MAML1: variants seen among roughly 807,000 people sequenced by gnomAD.
MAML1 encodes mastermind-like protein 1.
A neutral mutation model predicts 77.1 loss-of-function variants in MAML1; 14 were observed. The observed-to-expected ratio is 0.18, with a 90% CI of 0.12 to 0.28. The LOEUF is 0.28. Among genes scored for constraint, MAML1 ranks in the 10% least tolerant of loss-of-function variants. The probability of loss-of-function intolerance (pLI) is 1.00; values close to 1 mark genes in which losing one functional copy is unlikely to be tolerated. For missense variants in MAML1, 1,217 were observed against 1,327.8 expected, an observed-to-expected ratio of 0.92 and a Z score of 1.30; for synonymous variants, 516 against 551.9, an observed-to-expected ratio of 0.93 and a Z score of 0.91.
At chr5:179,734,515 A>G (rs1301720279) in intron 1 of MAML1, among the ~76,000 whole-genome samples, 1 of 151,640 alleles carries the variant, frequency 6.6e-6, no homozygotes, top group Admixed American at 6.6e-5. Flanking sequence ...ACTAGCCTCG[A>G]TTGCTGGGTT....
chr5:179,772,167 G>T lies in MAML1; in HGVS notation c.2068+924G>T, dbSNP rs149670547. On this transcript the variant is annotated intron_variant, in intron 4 of 4. Coordinates refer to ENST00000292599, the MANE Select transcript of MAML1 (RefSeq NM_014757.5). ...AGAGTCTTGGTCTGTCGCCCAGGCT[G>T]CAGTGCAGTGGCACGATCTTGGCTC... Among the ~76,000 whole-genome samples, 4 of 152,318 alleles carry T rather than the reference G, an allele frequency of 2.6e-5. No homozygotes were observed. In the East Asian group the frequency reaches 7.7e-4, roughly 29 times the overall value.
chr5:179,736,309 A>G (rs930080516), intron 1 of MAML1, among the ~76,000 whole-genome samples: 6 of 151,758 alleles, frequency 4.0e-5, no homozygotes, highest in African/African-American at 1.2e-4. Context: ...CTGGAGTGCA[A>G]TGGTGCCATC....
intron 1 of MAML1, among the ~76,000 whole-genome samples, chr5:179,735,281 A>C (rs1203225983): frequency 6.6e-6 from 1 of 152,216 alleles, no homozygotes; most frequent in Non-Finnish European, 1.5e-5. Context: ...GTCCCAGCTT[A>C]TCTCTTTCTT....
intron 1 of MAML1, among the ~76,000 whole-genome samples, chr5:179,746,407 T>C (rs185275142): frequency 2.0e-5 from 3 of 152,200 alleles, no homozygotes; most frequent in Middle Eastern, 3.4e-3. Context: ...AGTTTCGCTC[T>C]TGTTGCCCAG....
chr5:179,740,932 TATTG>T (rs1273161275), intron 1 of MAML1, among the ~76,000 whole-genome samples: 1 of 152,184 alleles, frequency 6.6e-6, no homozygotes, highest in African/African-American at 2.4e-5. Context: ...TGGGTGATGT[TATTG>T]ATTCTTTCAT....
Position 179,765,959 on chromosome 5 carries a change from G to A in MAML1, c.949G>A (p.Val317Met), listed in dbSNP as rs1779809392. Residue 317 changes from valine to methionine, a missense_variant, in exon 2 of 5, where the codon GTG (valine) becomes ATG (methionine). Val to Met is a conservative substitution (Grantham distance 21). Coordinates refer to ENST00000292599, the MANE Select transcript of MAML1 (RefSeq NM_014757.5). ...GCAAGAACAGTTAGGCTCTCCACAAGTGAGGGCCGGGTCTGCAGGGCAGAC... is the reference window on the plus strand; with the variant it reads ...GCAAGAACAGTTAGGCTCTCCACAAATGAGGGCCGGGTCTGCAGGGCAGAC... ...FEQEQLGSPQ[V>M]RAGSAGQTFL... 4 of 1,614,010 alleles carry A rather than the reference G, an allele frequency of 2.5e-6. No homozygotes were observed. The highest frequency in any genetic ancestry group is 1.7e-5 in the Admixed American group (1 of 60,000).
At chr5:179,743,305 G>A (rs1254918355) in intron 1 of MAML1, among the ~76,000 whole-genome samples, 51 of 149,178 alleles carry the variant, frequency 3.4e-4, no homozygotes, top group East Asian at 3.9e-4. Context: ...GCCTGCCTCC[G>A]CCTCCCAAAG....
intron 1 of MAML1, among the ~76,000 whole-genome samples, chr5:179,737,863 C>A (rs562764319): frequency 6.6e-6 from 1 of 152,122 alleles, no homozygotes; most frequent in African/African-American, 2.4e-5. Context: ...GTGGCGCGAT[C>A]GTGGGGCACT....
At chr5:179,748,247 T>C (rs1258500973) in intron 1 of MAML1, among the ~76,000 whole-genome samples, 1 of 152,098 alleles carries the variant, frequency 6.6e-6, no homozygotes, top group Non-Finnish European at 1.5e-5. Flanking sequence ...CACGCCTGGC[T>C]AATTTTGTAT....
intron 1 of MAML1, among the ~76,000 whole-genome samples, chr5:179,745,166 A>G (rs1008555866): frequency 1.3e-5 from 2 of 151,874 alleles, no homozygotes; most frequent in East Asian, 1.9e-4. Context: ...CGGCCTCCCA[A>G]AGTGCTGGGA....
intron 1 of MAML1, among the ~76,000 whole-genome samples, chr5:179,751,224 C>T (rs1329806689): frequency 6.6e-6 from 1 of 152,010 alleles, no homozygotes; most frequent in East Asian, 2.0e-4. Flanking sequence ...CCACCCGCCT[C>T]GGCCTCCTAA....
At chr5:179,755,976 G>C (rs1779606857) in intron 1 of MAML1, among the ~76,000 whole-genome samples, 1 of 151,086 alleles carries the variant, frequency 6.6e-6, no homozygotes, top group Non-Finnish European at 1.5e-5. Flanking sequence ...ATGTTGGCCA[G>C]GCTGGTCTCG....
In MAML1 at chr5:179,769,184, T is replaced by A; in HGVS notation, c.1971+95T>A. On this transcript the variant is annotated intron_variant, in intron 3 of 4. Coordinates refer to ENST00000292599, the MANE Select transcript of MAML1 (RefSeq NM_014757.5). The surrounding 1 kb of genome is among the most constrained non-coding windows in gnomAD (Gnocchi z 4.2). ...ACACCTTCTGCTTGTGCGTGTGGAT[T>A]TGCGCAGACTTGCGTGCCTGTTGTT... 1 of 1,507,664 alleles carries A rather than the reference T, an allele frequency of 6.6e-7. No homozygotes were observed. The highest frequency in any genetic ancestry group is 2.2e-4 in the Middle Eastern group (1 of 4,610). 93.4% of individuals were successfully genotyped at this position (1,507,664 alleles called of 1,614,324 possible). A position where few individuals can be genotyped will look rare whatever the true frequency, so the allele number is the denominator to read the frequency against.
intron 1 of MAML1, among the ~76,000 whole-genome samples, chr5:179,738,926 G>A (rs996381455): frequency 2.0e-5 from 3 of 151,510 alleles, no homozygotes; most frequent in Admixed American, 1.3e-4. Flanking sequence ...GACTACAGGC[G>A]TGAGCCACCA....
At chr5:179,739,903 A>G (rs1779247808) in intron 1 of MAML1, among the ~76,000 whole-genome samples, 1 of 152,206 alleles carries the variant, frequency 6.6e-6, no homozygotes, top group Non-Finnish European at 1.5e-5. Flanking sequence ...ATGGACACCA[A>G]GGGAACTGCT....
rs1228886436 is a variant in MAML1, at chr5:179,776,704, C to T, written c.*1827C>T. 28 of 985,806 alleles carry T rather than the reference C, an allele frequency of 2.8e-5. No homozygotes were observed. The highest frequency in any genetic ancestry group is 4.7e-5 in the South Asian group (1 of 21,296). 61.1% of individuals were successfully genotyped at this position (985,806 alleles called of 1,614,324 possible). The stretch of plus-strand genomic sequence containing the variant: ...TCCTGACCCCATCTGGCTGCTGCCC[C>T]GTCTCCCACCCCTGTCCCCGGGGCT... On this transcript the variant is annotated 3_prime_UTR_variant, in exon 5 of 5. Transcript: ENST00000292599.
rs1779088248 is a variant in MAML1 at position 179,732,863 on chromosome 5, A to G, written c.-250A>G. 4.2e-6 allele frequency: 1 copy of G among 240,140 alleles called. No homozygotes were observed. 14.9% of individuals were successfully genotyped at this position (240,140 alleles called of 1,614,324 possible). The stretch of plus-strand genomic sequence containing the variant: ...ATTTTAAGATGGCGGCCGCGGCGGT[A>G]GCGCGGAAAACAATGGGGCCGGGGC... On this transcript the variant is annotated 5_prime_UTR_variant, in exon 1 of 5. Coordinates refer to ENST00000292599, the MANE Select transcript of MAML1 (RefSeq NM_014757.5).
intron 1 of MAML1, among the ~76,000 whole-genome samples, chr5:179,736,934 C>G (rs986760230): frequency 4.6e-5 from 7 of 150,954 alleles, no homozygotes; most frequent in African/African-American, 1.7e-4. Flanking sequence ...GCACTCCAGC[C>G]TGGGCAACAG....
At chr5:179,753,234 C>A (rs6872950) in intron 1 of MAML1, among the ~76,000 whole-genome samples, 3 of 151,510 alleles carry the variant, frequency 2.0e-5, no homozygotes, top group Admixed American at 2.0e-4. Flanking sequence ...CGCGCGCGCG[C>A]GCGCGTGCTG....
Sources: gnomAD v4.1 joint callset for allele counts (sites outside exome capture counted in the v4.1 genomes callset) on GRCh38, gnomAD v4.1.1 for gene constraint, Gnocchi (gnomAD v3.1) non-coding constraint, MANE v1.5 for transcripts, NCBI Gene and HGNC (gene_info 2026-07-23, HGNC 2026-07-21) for gene names.